PPFIA2: variants seen among roughly 807,000 people sequenced by gnomAD.
PPFIA2 encodes liprin-alpha-2.
PPFIA2 carries 46 observed loss-of-function variants against 175.5 expected under a neutral mutation model. That is an observed-to-expected ratio of 0.26 (90% CI 0.21 to 0.34). The LOEUF (loss-of-function observed/expected upper bound fraction) is 0.34. Ranked by LOEUF, PPFIA2 falls within the 10% of genes least tolerant of loss-of-function variation. The pLI is 1.00. For synonymous variants in PPFIA2, 568 were observed against 511.4 expected, an observed-to-expected ratio of 1.11 and a Z score of -1.49; for missense variants, 1,179 against 1,506.1, an observed-to-expected ratio of 0.78 and a Z score of 3.60.
intron 4 of PPFIA2, among the ~76,000 whole-genome samples, chr12:81,518,689 T>A (rs1014730058): frequency 6.6e-6 from 1 of 152,204 alleles, no homozygotes; most frequent in Non-Finnish European, 1.5e-5. Flanking sequence ...CCCTGCCTTA[T>A]CATTTTTTAT....
chr12:81,325,735 T>C (rs560637649), intron 22 of PPFIA2, 42 bp downstream of exon 22: 8 of 1,338,646 alleles, frequency 6.0e-6, no homozygotes, highest in Admixed American at 1.8e-5. Context: ...TAATAAGGAA[T>C]TGATAAAAGT....
At chr12:81,540,545 G>A (rs775416664) in intron 4 of PPFIA2, among the ~76,000 whole-genome samples, 1 of 151,940 alleles carries the variant, frequency 6.6e-6, no homozygotes, top group Non-Finnish European at 1.5e-5. Flanking sequence ...TTCATTAAGG[G>A]AAGAAACTTT....
chr12:81,652,900 G>C (rs115030448), intron 4 of PPFIA2, among the ~76,000 whole-genome samples: 1,932 of 152,036 alleles, frequency 0.013, 37 homozygotes, highest in African/African-American at 0.045. Context: ...TATGTTCTCT[G>C]TTTTGGTAAA....
chr12:81,507,606 C>T (rs1281152131), intron 4 of PPFIA2, among the ~76,000 whole-genome samples: 1 of 152,074 alleles, frequency 6.6e-6, no homozygotes, highest in Non-Finnish European at 1.5e-5. Context: ...ATTTATTTTT[C>T]CAAACACATC....
Position 81,265,340 on chromosome 12 carries a change from G to A in PPFIA2, c.3555+1612C>T, listed in dbSNP as rs145831090. 1.9e-4 allele frequency among the ~76,000 whole-genome samples: 28 copies of A among 148,474 alleles called. 1 individual carries two copies. Among genetic ancestry groups the A allele is most frequent in the African/African-American group, 6.2e-4 (25 of 40,334 alleles). ...AAATTGCCAGTTTTTAGAGTTAAGC[G>A]TTTGAATTATGATTCCTGACTTCTG... On this transcript the variant is annotated intron_variant, in intron 30 of 32. Coordinates refer to ENST00000549396, the MANE Select transcript of PPFIA2 (RefSeq NM_003625.5).
intron 26 of PPFIA2, 145 bp downstream of exon 26, chr12:81,282,865 C>T (rs1565900042): frequency 1.8e-6 from 1 of 550,890 alleles, no homozygotes; most frequent in African/African-American, 1.9e-5. Context: ...AAGTATTAAA[C>T]ATAATCTACA....
intron 5 of PPFIA2, among the ~76,000 whole-genome samples, chr12:81,454,998 G>A (rs1204097985): frequency 1.3e-5 from 2 of 152,092 alleles, no homozygotes; most frequent in Non-Finnish European, 2.9e-5. Context: ...ACAGGCATGT[G>A]CCACCATGCC....
chr12:81,731,224 T>C (rs2080859557), intron 3 of PPFIA2, among the ~76,000 whole-genome samples: 1 of 151,664 alleles, frequency 6.6e-6, no homozygotes, highest in Admixed American at 6.6e-5. Context: ...ATTTTCTTCT[T>C]TTCTTGTCTG....
At chr12:81,441,874 A>T (rs569702670) in intron 6 of PPFIA2, among the ~76,000 whole-genome samples, 1 of 152,210 alleles carries the variant, frequency 6.6e-6, no homozygotes, top group East Asian at 1.9e-4. Context: ...TCCATACACA[A>T]CGCTGATCAT....
chr12:81,362,831 G>C, intron 14 of PPFIA2, 47 bp from the exon 15 acceptor site: 2 of 1,154,868 alleles, frequency 1.7e-6, no homozygotes, highest in Non-Finnish European at 2.5e-6. Context: ...ATATCAGCAA[G>C]CAATTATGAT....
At chr12:81,545,777 C>T (rs549457684) in intron 4 of PPFIA2, 5 of 152,216 alleles carry the variant, frequency 3.3e-5, no homozygotes, top group African/African-American at 1.2e-4. Flanking sequence ...AGAAGCACCA[C>T]AGTGGTAATC....
At chr12:81,575,417 A>G (rs958925067) in intron 4 of PPFIA2, among the ~76,000 whole-genome samples, 1 of 151,796 alleles carries the variant, frequency 6.6e-6, no homozygotes, top group Non-Finnish European at 1.5e-5. Context: ...AAAGTGTTTC[A>G]TGAGAAATTT....
rs375221634 is a variant in PPFIA2, at chr12:81,290,764, T to G, written c.2925+4071A>C. ...ACAACACAATTTAACAATTAAAGTT[T>G]AAAAGTATTAAGAATATGCATTCCG... is the stretch of plus-strand genomic sequence containing the variant. On this transcript the variant is annotated intron_variant, in intron 24 of 32. Transcript: ENST00000549396. 2.0e-5 allele frequency among the ~76,000 whole-genome samples: 3 copies of G among 151,752 alleles called. No individual in the cohort carries two copies. In the East Asian group the frequency reaches 5.8e-4, roughly 29 times the overall value.
intron 4 of PPFIA2, among the ~76,000 whole-genome samples, chr12:81,669,157 G>A (rs2070934436): frequency 6.6e-6 from 1 of 151,560 alleles, no homozygotes; most frequent in African/African-American, 2.4e-5. Flanking sequence ...AGGTTTCCCT[G>A]GGTCCTATTT....
At chr12:81,511,345 A>C (rs928714600) in intron 4 of PPFIA2, among the ~76,000 whole-genome samples, 2 of 152,132 alleles carry the variant, frequency 1.3e-5, no homozygotes, top group Non-Finnish European at 2.9e-5. Context: ...GAAAATTATT[A>C]AGAAAATAAT....
intron 27 of PPFIA2, 26 bp from the exon 28 acceptor site, chr12:81,277,440 A>G: frequency 1.3e-6 from 2 of 1,487,798 alleles, no homozygotes; most frequent in South Asian, 1.4e-5. Context: ...AAAAAAAAAA[A>G]ACACAGTGAG....
intron 5 of PPFIA2, among the ~76,000 whole-genome samples, chr12:81,450,625 C>T (rs972040371): frequency 6.6e-6 from 1 of 152,114 alleles, no homozygotes; most frequent in African/African-American, 2.4e-5. Flanking sequence ...TTTTGCTGTG[C>T]AGAAGCTCTT....
At chr12:81,661,789 A>G (rs1596135168) in intron 4 of PPFIA2, among the ~76,000 whole-genome samples, 1 of 152,318 alleles carries the variant, frequency 6.6e-6, no homozygotes, top group African/African-American at 2.4e-5. Context: ...AATTGACCAC[A>G]TAGTTGGAAG....
intron 4 of PPFIA2, among the ~76,000 whole-genome samples, chr12:81,628,628 C>A (rs2063006983): frequency 6.6e-6 from 1 of 152,178 alleles, no homozygotes; most frequent in Admixed American, 6.5e-5. Context: ...TTCCATTTGT[C>A]TTGGCCTCCC....
Sources: gnomAD v4.1 joint callset for allele counts (sites outside exome capture counted in the v4.1 genomes callset) on GRCh38, gnomAD v4.1.1 for gene constraint, MANE v1.5 for transcripts, NCBI Gene and HGNC (gene_info 2026-07-23, HGNC 2026-07-21) for gene names.